PCDHGA5: variants seen among roughly 807,000 people sequenced by gnomAD.
PCDHGA5 encodes protocadherin gamma subfamily A, 5, also known as protocadherin gamma-A5.
In PCDHGA5, 36 loss-of-function variants were observed where a neutral mutation model predicts 56.7. The ratio of observed to expected loss-of-function variants is 0.64; its 90% confidence interval spans 0.49 to 0.84. The LOEUF (loss-of-function observed/expected upper bound fraction) is 0.84, where lower values mean the gene tolerates loss of function less well. Among genes scored for constraint, PCDHGA5 ranks in the 40% least tolerant of loss-of-function variants. The pLI, the probability that PCDHGA5 is intolerant of heterozygous loss-of-function variation, is 0.00. For synonymous variants in PCDHGA5, 563 were observed against 520.2 expected, an observed-to-expected ratio of 1.08 and a Z score of -1.12; for missense variants, 1,305 against 1,201.5, an observed-to-expected ratio of 1.09 and a Z score of -1.27.
chr5:141,428,858 GACT>G (rs1348026268), intron 1 of PCDHGA5: 1 of 139,194 alleles, frequency 7.2e-6, no homozygotes, highest in African/African-American at 3.0e-5. Flanking sequence ...TTTTACGGGA[GACT>G]TTTTTTTTTT....
chr5:141,412,183 C>A (rs1243084028), intron 1 of PCDHGA5: 1 of 152,188 alleles, frequency 6.6e-6, no homozygotes, highest in African/African-American at 2.4e-5. Context: ...GGTATTAATG[C>A]TCTGATGAAA....
rs201825683 is a variant in PCDHGA5 at position 141,404,916 on chromosome 5, C to T, written c.2421+38165C>T. The T allele has an allele frequency of 1.5e-4, 243 of 1,613,780 alleles. No homozygotes were observed. The highest frequency in any genetic ancestry group is 1.1e-4 in the Non-Finnish European group (126 of 1,179,862). ...CAGGACCATGGCCAGCCCCCTCTCTCGGCCACTGTCACGCTCACAGTAGCC... is the reference window on the plus strand; with the variant it reads ...CAGGACCATGGCCAGCCCCCTCTCTTGGCCACTGTCACGCTCACAGTAGCC... On this transcript the variant is annotated intron_variant, in intron 1 of 3. Transcript: ENST00000518069.
Position 141,432,477 on chromosome 5 carries a change from C to G in PCDHGA5, c.2422-62330C>G. On this transcript the variant is annotated intron_variant, in intron 1 of 3. Coordinates refer to ENST00000518069, the MANE Select transcript of PCDHGA5 (RefSeq NM_018918.3). This position sits in a 1 kb window ranked among gnomAD's most constrained non-coding sequence, Gnocchi z 6.0. ...CCCGCCCTCCCCACGGACGGTTCCA[C>G]TGGCGTGGAGCTGGCTCCCCGCTCC... 3 of 1,614,212 alleles carry G rather than the reference C, an allele frequency of 1.9e-6. No homozygotes were observed. Among genetic ancestry groups the G allele is most frequent in the Non-Finnish European group, 1.7e-6 (2 of 1,180,044 alleles).
chr5:141,509,199 GTCTC>G (rs1017134758), intron 3 of PCDHGA5, among the ~76,000 whole-genome samples: 4 of 152,070 alleles, frequency 2.6e-5, no homozygotes, highest in Admixed American at 2.0e-4. Context: ...AATATTTCCT[GTCTC>G]TCTATTTCTC....
At position 141,366,432 on chromosome 5, in the gene PCDHGA5, C is replaced by T. The variant is rs1250180313; in HGVS notation, c.2102C>T (p.Ser701Phe). The T allele has an allele frequency of 3.7e-6, 6 of 1,614,064 alleles. No individual in the cohort carries two copies. The highest frequency in any genetic ancestry group is 1.1e-5 in the South Asian group (1 of 91,094). Reference protein sequence around the residue: ...LYLVVAVAAVSCVFLAFVIVL... With the variant: ...LYLVVAVAAVFCVFLAFVIVL... ...CTTGTGGTGGCAGTGGCTGCAGTCT[C>T]CTGCGTCTTCCTGGCCTTCGTCATC... Residue 701 changes from serine to phenylalanine, a missense_variant, in exon 1 of 4, where the codon TCC becomes TTC. Ser to Phe is a radical substitution (Grantham distance 155). Transcript: ENST00000518069.
chr5:141,462,782 T>C (rs1397671639), intron 1 of PCDHGA5, among the ~76,000 whole-genome samples: 1 of 152,220 alleles, frequency 6.6e-6, no homozygotes, highest in Non-Finnish European at 1.5e-5. Flanking sequence ...TCATAATTTG[T>C]TGCTTATTTG....
intron 1 of PCDHGA5, chr5:141,375,485 G>A (rs1478417043): frequency 6.2e-7 from 1 of 1,613,794 alleles, no homozygotes; most frequent in Non-Finnish European, 8.5e-7. Flanking sequence ...CAACCCCAGG[G>A]GTGCCTCCAT....
intron 1 of PCDHGA5, among the ~76,000 whole-genome samples, chr5:141,407,534 A>G (rs72790039): frequency 0.022 from 3,304 of 149,594 alleles, 53 homozygotes; most frequent in South Asian, 0.039. Context: ...CTTATTGTGC[A>G]TTGGTAACAG....
In PCDHGA5 at chr5:141,476,149, A is replaced by T. The variant is rs1042362185; in HGVS notation, c.2422-18658A>T. The stretch of plus-strand genomic sequence containing the variant: ...CAGAGGCCTGGAGGAGCGGACTGGT[A>T]AGCACCGGGAGGGTAGTGGGAGTTT... On this transcript the variant is annotated intron_variant, in intron 1 of 3. Transcript: ENST00000518069. This position sits in a 1 kb window ranked among gnomAD's most constrained non-coding sequence, Gnocchi z 7.6. 4 of 1,611,688 alleles carry T rather than the reference A, an allele frequency of 2.5e-6. No individual in the cohort carries two copies. In the African/African-American group the frequency reaches 5.3e-5, roughly 22 times the overall value.
intron 1 of PCDHGA5, chr5:141,478,229 T>C: frequency 6.2e-7 from 1 of 1,614,074 alleles, no homozygotes; most frequent in Non-Finnish European, 8.5e-7. Flanking sequence ...TTCTGTGGGG[T>C]TTGTGGTCAC....
intron 1 of PCDHGA5, chr5:141,391,093 C>A (rs1473023690): frequency 6.6e-6 from 1 of 152,148 alleles, no homozygotes; most frequent in Non-Finnish European, 1.5e-5. Flanking sequence ...GCCTTATCTG[C>A]AGCCCTAAAC....
chr5:141,389,006 C>G, intron 1 of PCDHGA5: 1 of 1,613,986 alleles, frequency 6.2e-7, no homozygotes, highest in South Asian at 1.1e-5. Context: ...ACAAGGATTC[C>G]AGACACAATG....
chr5:141,430,885 C>G, intron 1 of PCDHGA5: 1 of 1,605,218 alleles, frequency 6.2e-7, no homozygotes, highest in Non-Finnish European at 8.5e-7. Context: ...TGGAGAAAGG[C>G]TCTAGGGTGG....
rs1436850571 is a variant in PCDHGA5 at position 141,365,047 on chromosome 5, G to T, written c.717G>T (p.Ala239=). The change falls in exon 1 of 4, where the codon GCG becomes GCT. Residue 239 remains alanine, a synonymous_variant. Coordinates refer to ENST00000518069, the MANE Select transcript of PCDHGA5 (RefSeq NM_018918.3). ...CGGTCCTCGACGCAAACGACAATGC[G>T]CCCCTGTTCACCCCATCCGAGTACA... The part of the protein sequence containing the change: ...RVTVLDANDN[A]PLFTPSEYSV... The T allele has an allele frequency of 9.3e-6, 15 of 1,613,686 alleles. No homozygotes were observed. Among genetic ancestry groups the T allele is most frequent in the Non-Finnish European group, 1.3e-5 (15 of 1,179,906 alleles).
At chr5:141,368,027 C>A (rs1267918873) in intron 1 of PCDHGA5, among the ~76,000 whole-genome samples, 1 of 152,084 alleles carries the variant, frequency 6.6e-6, no homozygotes, top group Non-Finnish European at 1.5e-5. Flanking sequence ...GCCTCAAATT[C>A]CAGGAGGATG....
At chr5:141,385,880 A>G (rs192436155) in intron 1 of PCDHGA5, 3 of 153,092 alleles carry the variant, frequency 2.0e-5, no homozygotes, top group Admixed American at 1.9e-4. Context: ...ATTTATGCCT[A>G]AAGAATGAAA....
At chr5:141,423,529 C>T in intron 1 of PCDHGA5, 1 of 1,613,754 alleles carries the variant, frequency 6.2e-7, no homozygotes, top group South Asian at 1.1e-5. Flanking sequence ...GCAGAAGAGT[C>T]ACCTGATTTT....
chr5:141,457,649 A>C (rs1303184316), intron 1 of PCDHGA5, among the ~76,000 whole-genome samples: 1 of 152,282 alleles, frequency 6.6e-6, no homozygotes, highest in Non-Finnish European at 1.5e-5. Context: ...TATTTGCATG[A>C]AGTGCAGCAA....
intron 1 of PCDHGA5, among the ~76,000 whole-genome samples, chr5:141,474,412 C>A (rs1282336092): frequency 6.6e-6 from 1 of 152,220 alleles, no homozygotes; most frequent in Non-Finnish European, 1.5e-5. Flanking sequence ...CCGGTGATGC[C>A]TAGACCATTG....
Sources: allele counts gnomAD v4.1 joint callset (sites outside exome capture counted in the v4.1 genomes callset), GRCh38; gene constraint gnomAD v4.1.1; non-coding constraint Gnocchi (gnomAD v3.1); transcripts MANE v1.5; gene names NCBI Gene and HGNC (gene_info 2026-07-23, HGNC 2026-07-21).